The following P3H2 variants were observed in gnomAD, a reference collection of about 807,000 sequenced individuals.
P3H2 encodes the protein leprecan-like 1.
A neutral mutation model predicts 87.0 loss-of-function variants in P3H2; 80 were observed. The observed-to-expected ratio is 0.92, with a 90% CI of 0.77 to 1.11. The LOEUF is 1.11. P3H2 is among the 50% of genes least tolerant of loss of function. The pLI is 0.00. For synonymous variants in P3H2, 367 were observed against 359.3 expected, an observed-to-expected ratio of 1.02 and a Z score of -0.24; for missense variants, 1,001 against 923.9, an observed-to-expected ratio of 1.08 and a Z score of -1.08.
At chr3:190,055,573 A>G (rs945200408) in intron 1 of P3H2, among the ~76,000 whole-genome samples, 2 of 151,696 alleles carry the variant, frequency 1.3e-5, no homozygotes, top group African/African-American at 4.9e-5. Flanking sequence ...CCAAAAAGTG[A>G]AGTACTTAGA....
intron 1 of P3H2, among the ~76,000 whole-genome samples, chr3:190,096,077 C>A (rs970435009): frequency 3.3e-5 from 5 of 152,184 alleles, no homozygotes; most frequent in African/African-American, 4.8e-5. Context: ...TGAAATACAA[C>A]ACTGCACATC....
intron 11 of P3H2, 40 bp downstream of exon 11, chr3:189,972,834 A>G (rs757283259): frequency 1.9e-6 from 3 of 1,608,776 alleles, no homozygotes; most frequent in Admixed American, 3.3e-5. Flanking sequence ...TTCCCAATGT[A>G]TTGTGGGTAA....
At chr3:189,958,078 A>G in intron 14 of P3H2, 74 bp from the exon 15 acceptor site, 1 of 1,047,894 alleles carries the variant, frequency 9.5e-7, no homozygotes, top group Non-Finnish European at 1.5e-6. Context: ...CTTCCCAAAC[A>G]CTTCCTGGCA....
intron 13 of P3H2, among the ~76,000 whole-genome samples, chr3:189,965,658 T>C (rs531433105): frequency 6.6e-6 from 1 of 152,178 alleles, no homozygotes; most frequent in South Asian, 2.1e-4. Flanking sequence ...AGCAGCAAAA[T>C]AAGTGAAAGG....
chr3:190,025,357 ATATTT>A (rs1419265335), intron 1 of P3H2, among the ~76,000 whole-genome samples: 3 of 152,184 alleles, frequency 2.0e-5, no homozygotes, highest in Non-Finnish European at 4.4e-5. Flanking sequence ...TAAATTCTTA[ATATTT>A]TAATCATTAA....
In P3H2 at chr3:189,977,767, A is replaced by AT. The variant is rs11361845; in HGVS notation, c.1325-3083dup. 6.6e-3 allele frequency among the ~76,000 whole-genome samples: 956 copies of AT among 144,392 alleles called. 3 individuals carry two copies. The highest frequency in any genetic ancestry group is 0.02 in the South Asian group (92 of 4,504). 94.7% of individuals were successfully genotyped at this position (144,392 alleles called of 152,430 possible). ...AGGCACGCACCACCATGCCTAGTTT[A>AT]TTTTTTTTTTTGTCAGGGTCTTGTT... On this transcript the variant is annotated intron_variant, in intron 8 of 14. Coordinates refer to ENST00000319332, the MANE Select transcript of P3H2 (RefSeq NM_018192.4).
At chr3:190,017,268 GAC>G (rs1400288281) in intron 1 of P3H2, among the ~76,000 whole-genome samples, 8 of 152,042 alleles carry the variant, frequency 5.3e-5, no homozygotes, top group Non-Finnish European at 1.2e-4. Flanking sequence ...AATTAGCCAT[GAC>G]TGGGGCAGTG....
At chr3:190,020,977 CTG>C (rs1427253736) in intron 1 of P3H2, among the ~76,000 whole-genome samples, 1 of 134,392 alleles carries the variant, frequency 7.4e-6, no homozygotes. Flanking sequence ...AAAAGAGAAA[CTG>C]AGACTCAAAA....
At chr3:190,046,515 A>G (rs889037301) in intron 1 of P3H2, among the ~76,000 whole-genome samples, 1 of 152,192 alleles carries the variant, frequency 6.6e-6, no homozygotes, top group African/African-American at 2.4e-5. Flanking sequence ...AGAGTTAGAG[A>G]GCCCTCATCC....
intron 1 of P3H2, among the ~76,000 whole-genome samples, chr3:190,056,852 G>A (rs1726177314): frequency 1.3e-5 from 2 of 152,214 alleles, no homozygotes; most frequent in Non-Finnish European, 2.9e-5. Flanking sequence ...AAAGTCCTCA[G>A]ATCCACACTC....
chr3:189,987,495 A>C (rs1723740859), intron 5 of P3H2, 32 bp downstream of exon 5: 1 of 1,603,174 alleles, frequency 6.2e-7, no homozygotes. Flanking sequence ...AAAAAAAAAA[A>C]AAAGAATTTC....
chr3:190,067,332 A>C (rs1327941083), intron 1 of P3H2, among the ~76,000 whole-genome samples: 2 of 152,156 alleles, frequency 1.3e-5, no homozygotes, highest in Admixed American at 6.6e-5. Flanking sequence ...TGAATTATCA[A>C]GCAGTCTTCA....
intron 1 of P3H2, among the ~76,000 whole-genome samples, chr3:190,078,405 T>C (rs1393310154): frequency 6.6e-6 from 1 of 152,218 alleles, no homozygotes; most frequent in Non-Finnish European, 1.5e-5. Flanking sequence ...CAGGTTACTA[T>C]TAAACAAGAA....
chr3:190,030,877 G>A (rs1204986812), intron 1 of P3H2, among the ~76,000 whole-genome samples: 1 of 152,138 alleles, frequency 6.6e-6, no homozygotes, highest in African/African-American at 2.4e-5. Context: ...AATAAATGAT[G>A]TTAGAAAAAT....
rs563499236 is a variant in P3H2, at chr3:190,080,462, G to A, written c.480+39790C>T. Among the ~76,000 whole-genome samples, 4 of 152,134 alleles carry A rather than the reference G, an allele frequency of 2.6e-5. No individual in the cohort carries two copies. In the South Asian group the frequency reaches 6.2e-4, roughly 24 times the overall value. Reference sequence around the variant, plus strand: ...GGCCAGGCTGGTGGAGTGCAATGTCGTGACCTTGGCTCACCGCAACCTCTG... The same window carrying A: ...GGCCAGGCTGGTGGAGTGCAATGTCATGACCTTGGCTCACCGCAACCTCTG... On this transcript the variant is annotated intron_variant, in intron 1 of 14. Coordinates refer to ENST00000319332, the MANE Select transcript of P3H2 (RefSeq NM_018192.4).
intron 8 of P3H2, among the ~76,000 whole-genome samples, chr3:189,976,192 A>G (rs1430461640): frequency 6.6e-6 from 1 of 152,228 alleles, no homozygotes; most frequent in African/African-American, 2.4e-5. Context: ...TTCTACCACA[A>G]CTTTTCTCTA....
intron 1 of P3H2, among the ~76,000 whole-genome samples, chr3:190,063,185 CA>C: frequency 6.6e-6 from 1 of 152,232 alleles, no homozygotes; most frequent in Non-Finnish European, 1.5e-5. Flanking sequence ...GGGGTGTACA[CA>C]ACTACTGGTA....
rs188538231 is a variant in P3H2, at chr3:190,106,312, A to G, written c.480+13940T>C. Among the ~76,000 whole-genome samples the G allele has an allele frequency of 5.9e-5, 9 of 152,286 alleles. 1 individual carries two copies. Among genetic ancestry groups the G allele is most frequent in the African/African-American group, 2.2e-4 (9 of 41,574 alleles). ...AGAGGATGATTTTTGTTTTATCTTG[A>G]TGGTGGAGAGGCAGGTAAGTCTGTG... On this transcript the variant is annotated intron_variant, in intron 1 of 14. Coordinates refer to ENST00000319332, the MANE Select transcript of P3H2 (RefSeq NM_018192.4).
At chr3:190,004,443 C>T (rs1037316633) in intron 1 of P3H2, among the ~76,000 whole-genome samples, 35 of 152,084 alleles carry the variant, frequency 2.3e-4, no homozygotes, top group Non-Finnish European at 2.9e-4. Flanking sequence ...AGTGCAGTGG[C>T]GGGATCTCGG....
Sources: gnomAD v4.1 joint callset for allele counts (sites outside exome capture counted in the v4.1 genomes callset) on GRCh38, gnomAD v4.1.1 for gene constraint, MANE v1.5 for transcripts, NCBI Gene and HGNC (gene_info 2026-07-23, HGNC 2026-07-21) for gene names.